The following CSNK2A1 variants were observed in gnomAD, a reference collection of about 807,000 sequenced individuals.
CSNK2A1 encodes casein kinase II subunit alpha.
CSNK2A1 carries 10 observed loss-of-function variants against 62.9 expected under a neutral mutation model. That is an observed-to-expected ratio of 0.16 (90% CI 0.10 to 0.27). CSNK2A1 has a LOEUF of 0.27. Among genes scored for constraint, CSNK2A1 ranks in the 10% least tolerant of loss-of-function variants. CSNK2A1 has a pLI of 1.00. For synonymous variants in CSNK2A1, 124 were observed against 167.8 expected, an observed-to-expected ratio of 0.74 and a Z score of 2.02; for missense variants, 160 against 492.0, an observed-to-expected ratio of 0.33 and a Z score of 6.38.
At chr20:520,081 A>G (rs1423661889) in intron 2 of CSNK2A1, among the ~76,000 whole-genome samples, 1 of 152,198 alleles carries the variant, frequency 6.6e-6, no homozygotes, top group Non-Finnish European at 1.5e-5. Context: ...AAAATCATAA[A>G]AAGAATCCAA....
chr20:530,547 C>A (rs903445814), intron 1 of CSNK2A1, among the ~76,000 whole-genome samples: 2 of 149,768 alleles, frequency 1.3e-5, no homozygotes, highest in Admixed American at 6.7e-5. Flanking sequence ...TAGTTCACTT[C>A]ACTGCAGCCT....
In CSNK2A1 at chr20:482,064, T is replaced by G. The variant is rs2017966067; in HGVS notation, c.*1897A>C. ...CGTCCTCTAAAGTTTACCATTATAT[T>G]CACTAAAGCCACCACCTTGATAAAG... On this transcript the variant is annotated 3_prime_UTR_variant, in exon 14 of 14. Transcript: ENST00000217244. 1 of 152,188 alleles carries G rather than the reference T, an allele frequency of 6.6e-6. No individual in the cohort carries two copies. The allele number at this position is 152,188 out of a possible 1,614,324, so 9.4% of individuals were successfully genotyped here. A position where few individuals can be genotyped will look rare whatever the true frequency, so the allele number is the denominator to read the frequency against.
chr20:499,958 C>CA lies in CSNK2A1; in HGVS notation c.214-25dup, dbSNP rs199709718. 31,032 of 1,264,720 alleles carry CA rather than the reference C, an allele frequency of 0.025. 5 individuals are homozygous for CA. Among genetic ancestry groups the CA allele is most frequent in the Non-Finnish European group, 0.028 (26,138 of 933,638 alleles). The allele number at this position is 1,264,720 out of a possible 1,614,324, so 78.3% of individuals were successfully genotyped here. On this transcript the variant is annotated intron_variant, in intron 4 of 13. Transcript: ENST00000217244. This position sits in a 1 kb window ranked among gnomAD's most constrained non-coding sequence, Gnocchi z 4.2. ...GGCTGAAAGGGGAAAAGTACATCAG[C>CA]AAAAAAAAAAAAAAAAAATTTTTTC...
chr20:509,766 G>A (rs1296698953), intron 2 of CSNK2A1, among the ~76,000 whole-genome samples: 1 of 152,054 alleles, frequency 6.6e-6, no homozygotes, highest in Non-Finnish European at 1.5e-5. Context: ...CAGTAGAGAC[G>A]GTGTTTCACC....
chr20:508,690 G>C, intron 2 of CSNK2A1, 30 bp from the exon 3 acceptor site: 1 of 714,328 alleles, frequency 1.4e-6, no homozygotes, highest in Non-Finnish European at 2.3e-6. Context: ...AAAGTCCAAG[G>C]AATCATTTAC....
intron 8 of CSNK2A1, 34 bp downstream of exon 8, chr20:495,685 T>G: frequency 1.3e-6 from 2 of 1,582,976 alleles, no homozygotes; most frequent in Non-Finnish European, 1.7e-6. Flanking sequence ...CTACATCATG[T>G]AGATAAATAA....
chr20:522,161 A>T (rs1023712315), intron 2 of CSNK2A1, among the ~76,000 whole-genome samples: 5 of 152,176 alleles, frequency 3.3e-5, no homozygotes, highest in African/African-American at 7.2e-5. Context: ...GGTGGAGCTC[A>T]ATTTTTCTCC....
intron 2 of CSNK2A1, among the ~76,000 whole-genome samples, chr20:521,812 C>T (rs1253365006): frequency 6.6e-6 from 1 of 152,152 alleles, no homozygotes; most frequent in Non-Finnish European, 1.5e-5. Flanking sequence ...TGGTCTCAAA[C>T]GTCTAGCCTC....
At chr20:542,191 T>C (rs1338272975) in intron 1 of CSNK2A1, among the ~76,000 whole-genome samples, 2 of 152,234 alleles carry the variant, frequency 1.3e-5, no homozygotes, top group Middle Eastern at 3.2e-3. Context: ...CCAGACACTG[T>C]AGTAAGCACT....
intron 2 of CSNK2A1, among the ~76,000 whole-genome samples, chr20:526,275 A>T (rs900498936): frequency 2.0e-5 from 3 of 152,092 alleles, no homozygotes; most frequent in African/African-American, 7.2e-5. Context: ...GTTTGAGATC[A>T]GCCTGGGCAA....
At chr20:490,353 G>GTTTTTTTTTTTTTTTTT (rs373775413) in intron 9 of CSNK2A1, among the ~76,000 whole-genome samples, 6 of 53,484 alleles carry the variant, frequency 1.1e-4, no homozygotes, top group African/African-American at 5.5e-4. Flanking sequence ...TTTTTTTTTA[G>GTTTTTTTTTTTTTTTTT]TTTTTTTTTT....
At chr20:486,029 CTCTATACCCCATT>C (rs1032079086) in intron 13 of CSNK2A1, among the ~76,000 whole-genome samples, 46 of 152,320 alleles carry the variant, frequency 3.0e-4, no homozygotes, top group African/African-American at 1.1e-3. Context: ...TAAACCCCAC[CTCTATACCCCATT>C]TCTTAACATT....
In CSNK2A1 at chr20:484,127, TACC is replaced by T; in HGVS notation, c.1061-54_1061-52del. 3 of 1,424,144 alleles carry T rather than the reference TACC, an allele frequency of 2.1e-6. No homozygotes were observed. In the South Asian group the frequency reaches 4.2e-5, roughly 20 times the overall value. 88.2% of individuals were successfully genotyped at this position (1,424,144 alleles called of 1,614,324 possible). ...CCAAAGACACCAACCATGGCAATCT[TACC>T]AGTTTCTCATAGCACTCACTGCAAA... is the stretch of plus-strand genomic sequence containing the variant. On this transcript the variant is annotated intron_variant, in intron 13 of 13. Coordinates refer to ENST00000217244, the MANE Select transcript of CSNK2A1 (RefSeq NM_177559.3).
intron 2 of CSNK2A1, chr20:526,659 A>T (rs1046321562): frequency 1.4e-5 from 2 of 143,614 alleles, no homozygotes; most frequent in African/African-American, 5.1e-5. Context: ...TTGATTTAAG[A>T]AAAAAAAAAA....
At chr20:531,758 A>G (rs952040336) in intron 1 of CSNK2A1, among the ~76,000 whole-genome samples, 7 of 152,372 alleles carry the variant, frequency 4.6e-5, no homozygotes, top group Non-Finnish European at 8.8e-5. Context: ...GAAGACAAGA[A>G]GACAATGTAT....
In CSNK2A1 at chr20:481,786, A is replaced by T. The variant is rs1461697520; in HGVS notation, c.*2175T>A. The T allele has an allele frequency of 1.3e-5, 2 of 152,212 alleles. No homozygotes were observed. The highest frequency in any genetic ancestry group is 4.8e-5 in the African/African-American group (2 of 41,464). 9.4% of individuals were successfully genotyped at this position (152,212 alleles called of 1,614,324 possible). ...CCTCAAAAGAAAGAACTCATTAGTT[A>T]TAAGTGTCCTGTTCAAATCACAATC... On this transcript the variant is annotated 3_prime_UTR_variant, in exon 14 of 14. Coordinates refer to ENST00000217244, the MANE Select transcript of CSNK2A1 (RefSeq NM_177559.3).
At chr20:489,657 G>T in intron 10 of CSNK2A1, 123 bp downstream of exon 10, 4 of 696,058 alleles carry the variant, frequency 5.7e-6, no homozygotes, top group South Asian at 4.4e-5. Context: ...GGTAGCTCCC[G>T]AAACATCAAT....
chr20:504,952 C>T (rs2018544488), intron 4 of CSNK2A1, 166 bp downstream of exon 4: 1 of 589,208 alleles, frequency 1.7e-6, no homozygotes, highest in South Asian at 2.7e-5. Flanking sequence ...GTTTCCCGAT[C>T]TGTCAAATAA....
rs1212146304 is a variant in CSNK2A1 at position 481,495 on chromosome 20, C to T, written c.*2466G>A. On this transcript the variant is annotated 3_prime_UTR_variant, in exon 14 of 14. Transcript: ENST00000217244. ...GTAAACCCTTGCCTCCCCCCCACCCCCCACCCAATTGGGTCTTTTTTTTTT... is the reference window on the plus strand; with the variant it reads ...GTAAACCCTTGCCTCCCCCCCACCCTCCACCCAATTGGGTCTTTTTTTTTT... 8.8e-6 allele frequency: 1 copy of T among 113,670 alleles called. No homozygotes were observed. The highest frequency in any genetic ancestry group is 3.2e-4 in the East Asian group (1 of 3,154). 7.0% of individuals were successfully genotyped at this position (113,670 alleles called of 1,614,324 possible).
Sources: gnomAD v4.1 joint callset for allele counts (sites outside exome capture counted in the v4.1 genomes callset) on GRCh38, gnomAD v4.1.1 for gene constraint, Gnocchi (gnomAD v3.1) non-coding constraint, MANE v1.5 for transcripts, NCBI Gene and HGNC (gene_info 2026-07-23, HGNC 2026-07-21) for gene names.